The following TARBP1 variants were observed in gnomAD, a reference collection of about 807,000 sequenced individuals.
The protein encoded by TARBP1 is tRNA guanosine 2 -O-methyltransferase TARBP1.
TARBP1 carries 144 observed loss-of-function variants against 178.6 expected under a neutral mutation model. The ratio of observed to expected loss-of-function variants is 0.81; its 90% CI spans 0.70 to 0.93. The LOEUF (loss-of-function observed/expected upper bound fraction) is 0.93. Among genes scored for constraint, TARBP1 ranks in the 40% least tolerant of loss-of-function variants. The pLI is 0.00. For synonymous variants in TARBP1, 787 were observed against 781.0 expected (o/e 1.01, Z -0.13); for missense variants, 2,067 against 2,011.7 (o/e 1.03, Z -0.53).
rs1453475516 is a variant in TARBP1 at position 234,391,487 on chromosome 1, C to T, written c.*90G>A. The stretch of plus-strand genomic sequence containing the variant: ...GCAAGAAAAAAGAAATACAAATTAT[C>T]ACAATAAATTTCAGAATCTGTTTCT... On this transcript the variant is annotated 3_prime_UTR_variant, in exon 30 of 30. Transcript: ENST00000040877. 1.5e-6 allele frequency: 2 copies of T among 1,348,358 alleles called. No individual in the cohort carries two copies. The highest frequency in any genetic ancestry group is 5.0e-5 in the East Asian group (2 of 40,054). The allele number at this position is 1,348,358 out of a possible 1,614,324, so 83.5% of individuals were successfully genotyped here. A position where few individuals can be genotyped will look rare whatever the true frequency, so the allele number is the denominator to read the frequency against.
At chr1:234,406,200 A>G in intron 23 of TARBP1, 101 bp from the exon 24 acceptor site, 4 of 1,086,992 alleles carry the variant, frequency 3.7e-6, no homozygotes, top group Non-Finnish European at 5.3e-6. Flanking sequence ...AACTGCTCCT[A>G]GTAAAACTTC....
chr1:234,422,183 C>G (rs1663180780), intron 20 of TARBP1, among the ~76,000 whole-genome samples: 1 of 152,178 alleles, frequency 6.6e-6, no homozygotes, highest in Admixed American at 6.5e-5. Context: ...CAAGTCACCA[C>G]CCTCAACTGG....
At chr1:234,437,637 T>C (rs918752775) in intron 12 of TARBP1, among the ~76,000 whole-genome samples, 1 of 152,224 alleles carries the variant, frequency 6.6e-6, no homozygotes, top group African/African-American at 2.4e-5. Context: ...ACAGAATGCA[T>C]GACGCAGCTA....
chr1:234,437,425 A>G, intron 12 of TARBP1, 53 bp from the exon 13 acceptor site: 1 of 855,044 alleles, frequency 1.2e-6, no homozygotes, highest in South Asian at 2.0e-5. Flanking sequence ...CTTTGGTACA[A>G]AACACACCAG....
chr1:234,466,162 G>C (rs936069055), intron 4 of TARBP1, among the ~76,000 whole-genome samples: 1 of 152,148 alleles, frequency 6.6e-6, no homozygotes, highest in African/African-American at 2.4e-5. Context: ...AGAAATAATA[G>C]AATGTAGAAA....
intron 25 of TARBP1, among the ~76,000 whole-genome samples, chr1:234,399,872 C>T (rs1660500636): frequency 9.6e-6 from 1 of 103,962 alleles, no homozygotes; most frequent in Admixed American, 1.5e-4. Context: ...ACATTACACT[C>T]TGGGGACTGT....
At chr1:234,427,523 C>A in intron 18 of TARBP1, 53 bp downstream of exon 18, 1 of 1,516,246 alleles carries the variant, frequency 6.6e-7, no homozygotes, top group Middle Eastern at 1.7e-4. Flanking sequence ...ATTCTATACC[C>A]AAGTAGGCAC....
At chr1:234,441,127 T>C (rs576377583) in intron 12 of TARBP1, among the ~76,000 whole-genome samples, 2 of 152,326 alleles carry the variant, frequency 1.3e-5, no homozygotes, top group African/African-American at 4.8e-5. Context: ...GAGGCTGCAG[T>C]GAGCTGAGAT....
intron 28 of TARBP1, 87 bp downstream of exon 28, chr1:234,393,275 A>G: frequency 4.6e-6 from 6 of 1,297,692 alleles, no homozygotes; most frequent in Non-Finnish European, 6.0e-6. Flanking sequence ...ACAAATACAA[A>G]CTTTTTTTTA....
At chr1:234,444,068 T>C (rs1211385231) in intron 12 of TARBP1, among the ~76,000 whole-genome samples, 1 of 152,238 alleles carries the variant, frequency 6.6e-6, no homozygotes, top group Admixed American at 6.5e-5. Flanking sequence ...ACGTACTTTC[T>C]ATGTCACAGA....
In TARBP1 at chr1:234,457,772, A is replaced by G. The variant is rs1338912370; in HGVS notation, c.1633-16T>C. The G allele has an allele frequency of 6.3e-7, 1 of 1,587,776 alleles. No homozygotes were observed. The highest frequency in any genetic ancestry group is 8.6e-7 in the Non-Finnish European group (1 of 1,165,228). On this transcript the variant is annotated splice_polypyrimidine_tract_variant and intron_variant, in intron 8 of 29. Coordinates refer to ENST00000040877, the MANE Select transcript of TARBP1 (RefSeq NM_005646.4). ...ACACTTTCTCCTGGGCAGGGCAGGA[A>G]AGGTTTTAAAAATTACTCGTATTAA... is the stretch of plus-strand genomic sequence containing the variant.
At chr1:234,403,028 C>T (rs1660856990) in intron 24 of TARBP1, among the ~76,000 whole-genome samples, 1 of 152,162 alleles carries the variant, frequency 6.6e-6, no homozygotes, top group Admixed American at 6.5e-5. Flanking sequence ...TAATCTCATA[C>T]TAATCTAAAT....
chr1:234,467,075 A>G (rs1425753298), intron 4 of TARBP1, among the ~76,000 whole-genome samples: 2 of 152,206 alleles, frequency 1.3e-5, no homozygotes, highest in East Asian at 3.8e-4. Context: ...TATTGCTTAG[A>G]AGGCAATCCC....
intron 13 of TARBP1, among the ~76,000 whole-genome samples, chr1:234,435,796 C>A (rs1210731814): frequency 1.3e-5 from 2 of 152,154 alleles, no homozygotes; most frequent in Non-Finnish European, 2.9e-5. Flanking sequence ...TAGCAGCAGA[C>A]CCAGCCAGCA....
chr1:234,430,315 G>T lies in TARBP1; in HGVS notation c.2395-14C>A. On this transcript the variant is annotated splice_polypyrimidine_tract_variant and intron_variant, in intron 14 of 29. Transcript: ENST00000040877. ...AACTGTTGGCTCCTGAAAAGGAAAT[G>T]TGACAATGTTTTATTTAATATGCAC... is the stretch of plus-strand genomic sequence containing the variant. 1 of 1,609,850 alleles carries T rather than the reference G, an allele frequency of 6.2e-7. No individual in the cohort carries two copies. Among genetic ancestry groups the T allele is most frequent in the Non-Finnish European group, 8.5e-7 (1 of 1,178,156 alleles).
At chr1:234,453,745 C>T (rs985317554) in intron 9 of TARBP1, among the ~76,000 whole-genome samples, 16 of 152,006 alleles carry the variant, frequency 1.1e-4, no homozygotes, top group African/African-American at 3.6e-4. Flanking sequence ...CATGTAAGTG[C>T]TTTCAAACAA....
chr1:234,415,715 T>A (rs926111721), intron 22 of TARBP1, among the ~76,000 whole-genome samples: 2 of 152,194 alleles, frequency 1.3e-5, no homozygotes, highest in African/African-American at 4.8e-5. Flanking sequence ...ACAGTAGGTA[T>A]ACAGCTGGCT....
In TARBP1 at chr1:234,429,129, T is replaced by C; in HGVS notation, c.3060+7A>G. On this transcript the variant is annotated splice_region_variant and intron_variant, in intron 17 of 29. Transcript: ENST00000040877. ...AAGAAAAGCAAAAAGAAAAGAAAGT[T>C]AGTTACCTCTTTTATTTTGAAATAT... 6.4e-7 allele frequency: 1 copy of C among 1,557,476 alleles called. No individual in the cohort carries two copies. Among genetic ancestry groups the C allele is most frequent in the Non-Finnish European group, 8.6e-7 (1 of 1,160,762 alleles).
Position 234,460,356 on chromosome 1 carries a change from C to T in TARBP1, c.1440G>A (p.Arg480=), listed in dbSNP as rs1667728268. The change falls in exon 7 of 30, where the codon AGG becomes AGA. Residue 480 remains arginine (R), a synonymous_variant. Transcript: ENST00000040877. ...ACAAAATGGGAACAGCACACCAATG[C>T]CTACTTGTCATCTTCCGAATAAACT... is the stretch of plus-strand genomic sequence containing the variant. ...LLKFIRKMTS[R]HWCAVPILFL... The T allele has an allele frequency of 6.2e-7, 1 of 1,614,160 alleles. No homozygotes were observed. The highest frequency in any genetic ancestry group is 8.5e-7 in the Non-Finnish European group (1 of 1,180,016).
Sources: allele counts gnomAD v4.1 joint callset (sites outside exome capture counted in the v4.1 genomes callset), GRCh38; gene constraint gnomAD v4.1.1; transcripts MANE v1.5; gene names NCBI Gene and HGNC (gene_info 2026-07-23, HGNC 2026-07-21).